The following LNX1 variants were observed in gnomAD, a reference collection of about 807,000 sequenced individuals.
LNX1 encodes ligand of numb-protein X 1.
In LNX1, 54 loss-of-function variants were observed where a neutral mutation model predicts 68.4. The observed-to-expected ratio is 0.79, with a 90% CI of 0.63 to 0.99. LNX1 has a LOEUF of 0.99. Ranked by LOEUF, LNX1 falls within the 50% of genes least tolerant of loss-of-function variation. LNX1 has a pLI of 0.00. For missense variants in LNX1, 906 were observed against 926.4 expected (o/e 0.98, Z 0.29); for synonymous variants, 336 against 350.0 (o/e 0.96, Z 0.45).
chr4:53,603,282 T>C (rs1490336377), intron 2 of LNX1, among the ~76,000 whole-genome samples: 1 of 152,214 alleles, frequency 6.6e-6, no homozygotes, highest in Non-Finnish European at 1.5e-5. Context: ...TATTCATGGT[T>C]CCTAGCTCAT....
At chr4:53,609,760 A>G (rs1257855194) in intron 2 of LNX1, among the ~76,000 whole-genome samples, 3 of 143,310 alleles carry the variant, frequency 2.1e-5, no homozygotes, top group South Asian at 2.1e-4. Context: ...TATATAATAT[A>G]CTATTATATA....
At chr4:53,523,903 T>G (rs1439124958) in intron 2 of LNX1, among the ~76,000 whole-genome samples, 4 of 152,238 alleles carry the variant, frequency 2.6e-5, no homozygotes, top group Non-Finnish European at 5.9e-5. Flanking sequence ...TTATTTATAG[T>G]CATGGAATAA....
rs117278793 is a variant in LNX1, at chr4:53,561,101, T to C, written c.380+12522A>G. Among the ~76,000 whole-genome samples, 67 of 152,316 alleles carry C rather than the reference T, an allele frequency of 4.4e-4. No homozygotes were observed. The East Asian group carries it at 8.5e-3, about 19-fold the overall frequency. On this transcript the variant is annotated intron_variant, in intron 2 of 10. Transcript: ENST00000263925. ...ATTTAGGGGCCAGGAAAATGTTGGG[T>C]TCAGAGTTAGAAGGTCACAGTAAGG...
intron 2 of LNX1, among the ~76,000 whole-genome samples, chr4:53,520,432 T>C (rs1301312137): frequency 1.3e-5 from 2 of 152,150 alleles, no homozygotes; most frequent in African/African-American, 4.8e-5. Context: ...GCCAGGTCAA[T>C]TCTTCAGAGA....
chr4:53,563,789 T>C (rs1253747162), intron 2 of LNX1, among the ~76,000 whole-genome samples: 3 of 152,198 alleles, frequency 2.0e-5, no homozygotes, highest in African/African-American at 4.8e-5. Context: ...CGCCTCGGCC[T>C]CCCAAAGTGC....
chr4:53,466,549 C>T lies in LNX1; in HGVS notation c.1893-4956G>A, dbSNP rs528579131. ...CAAAGCAGGGCAAGGCGTCGCCTCACCCGGGAAGCACAAGGGATCAGGGAA... is the reference window on the plus strand; with the variant it reads ...CAAAGCAGGGCAAGGCGTCGCCTCATCCGGGAAGCACAAGGGATCAGGGAA... On this transcript the variant is annotated intron_variant, in intron 9 of 10. Coordinates refer to ENST00000263925, the MANE Select transcript of LNX1 (RefSeq NM_001126328.3). Among the ~76,000 whole-genome samples, 6 of 152,260 alleles carry T rather than the reference C, an allele frequency of 3.9e-5. No homozygotes were observed. In the East Asian group the frequency reaches 1.2e-3, roughly 29 times the overall value.
At chr4:53,522,149 T>G (rs1232808163) in intron 2 of LNX1, among the ~76,000 whole-genome samples, 1 of 152,158 alleles carries the variant, frequency 6.6e-6, no homozygotes, top group Non-Finnish European at 1.5e-5. Context: ...CAAGGCTTCT[T>G]GCAGTCAGAC....
At chr4:53,598,453 G>A (rs1278347430) in intron 2 of LNX1, among the ~76,000 whole-genome samples, 1 of 152,014 alleles carries the variant, frequency 6.6e-6, no homozygotes, top group South Asian at 2.1e-4. Context: ...GGCTGGTCTC[G>A]AACTCCTGGG....
At chr4:53,507,865 C>T in intron 3 of LNX1, 121 bp downstream of exon 3, 2 of 1,341,464 alleles carry the variant, frequency 1.5e-6, no homozygotes, top group South Asian at 1.5e-5. Flanking sequence ...GGGTTCCTGC[C>T]AAAACTACCA....
chr4:53,563,174 C>T (rs756176942), intron 2 of LNX1, among the ~76,000 whole-genome samples: 14 of 151,882 alleles, frequency 9.2e-5, no homozygotes, highest in South Asian at 2.1e-4. Flanking sequence ...CCAGCCTGGG[C>T]GACAGAGTGA....
intron 2 of LNX1, among the ~76,000 whole-genome samples, chr4:53,571,084 T>C (rs992824022): frequency 2.0e-5 from 3 of 151,066 alleles, no homozygotes; most frequent in African/African-American, 7.3e-5. Flanking sequence ...TGTCACCTAA[T>C]CTTGGCTTAC....
At chr4:53,561,038 T>G (rs1730252518) in intron 2 of LNX1, among the ~76,000 whole-genome samples, 1 of 152,196 alleles carries the variant, frequency 6.6e-6, no homozygotes, top group African/African-American at 2.4e-5. Flanking sequence ...GATTATCTCC[T>G]ATTTTCTTGC....
At chr4:53,577,469 G>A (rs1198303228) in intron 1 of LNX1, among the ~76,000 whole-genome samples, 4 of 152,160 alleles carry the variant, frequency 2.6e-5, no homozygotes, top group East Asian at 1.9e-4. Context: ...CCAGATTTTC[G>A]TTTTTCAAAC....
At chr4:53,502,305 A>G (rs1725562128) in intron 4 of LNX1, among the ~76,000 whole-genome samples, 1 of 105,056 alleles carries the variant, frequency 9.5e-6, no homozygotes, top group Admixed American at 1.1e-4. Context: ...CATACCTCTG[A>G]GATATTGTGG....
At chr4:53,564,218 G>A (rs1267355092) in intron 2 of LNX1, among the ~76,000 whole-genome samples, 2 of 152,178 alleles carry the variant, frequency 1.3e-5, no homozygotes, top group Non-Finnish European at 2.9e-5. Flanking sequence ...GGGTCACACG[G>A]GCTGCATGGG....
intron 2 of LNX1, among the ~76,000 whole-genome samples, chr4:53,516,076 C>CA (rs1173485406): frequency 1.3e-5 from 2 of 152,006 alleles, no homozygotes; most frequent in Non-Finnish European, 2.9e-5. Context: ...CCATATTCTA[C>CA]AAAAAAATTT....
Position 53,569,889 on chromosome 4 carries a change from T to C in LNX1, c.380+3734A>G, listed in dbSNP as rs1336376938. Among the ~76,000 whole-genome samples the C allele has an allele frequency of 4.0e-5, 6 of 149,062 alleles. 1 individual carries two copies. Among genetic ancestry groups the C allele is most frequent in the African/African-American group, 1.5e-4 (6 of 40,570 alleles). ...GACACTTCTCAAAAGAAGACATTTATGCAGCCAAAAAACACATGAAAAAAT... is the reference window on the plus strand; with the variant it reads ...GACACTTCTCAAAAGAAGACATTTACGCAGCCAAAAAACACATGAAAAAAT... On this transcript the variant is annotated intron_variant, in intron 2 of 10. Transcript: ENST00000263925.
At chr4:53,557,945 C>G (rs375976726) in intron 2 of LNX1, 1 of 1,613,542 alleles carries the variant, frequency 6.2e-7, no homozygotes, top group African/African-American at 1.3e-5. Flanking sequence ...AAGGCAAGAC[C>G]AGCAACAGAA....
intron 2 of LNX1, among the ~76,000 whole-genome samples, chr4:53,518,658 G>T (rs936368217): frequency 6.6e-6 from 1 of 152,156 alleles, no homozygotes; most frequent in Admixed American, 6.6e-5. Context: ...GGCACAGAAA[G>T]ATTAAGAACT....
Sources: allele counts gnomAD v4.1 joint callset (sites outside exome capture counted in the v4.1 genomes callset), GRCh38; gene constraint gnomAD v4.1.1; transcripts MANE v1.5; gene names NCBI Gene and HGNC (gene_info 2026-07-23, HGNC 2026-07-21).